The following GRID1 variants were observed in gnomAD, a reference collection of about 807,000 sequenced individuals.
GRID1 encodes glutamate receptor ionotropic, delta-1.
Under a neutral mutation model 98.0 loss-of-function variants are expected in GRID1, and 28 were observed. The ratio of observed to expected loss-of-function variants is 0.29; its 90% CI spans 0.21 to 0.39. The LOEUF is 0.39. GRID1 is among the 10% of genes least tolerant of loss of function. The pLI is 1.00. For missense variants in GRID1, 1,111 were observed against 1,340.5 expected, an observed-to-expected ratio of 0.83 and a Z score of 2.67; for synonymous variants, 553 against 538.5, an observed-to-expected ratio of 1.03 and a Z score of -0.37.
intron 4 of GRID1, among the ~76,000 whole-genome samples, chr10:86,093,873 A>C (rs1844182535): frequency 6.6e-6 from 1 of 152,152 alleles, no homozygotes; most frequent in African/African-American, 2.4e-5. Flanking sequence ...TAATACCAAA[A>C]CCAGGAAAGG....
At chr10:85,710,082 T>C (rs999593916) in intron 12 of GRID1, among the ~76,000 whole-genome samples, 4 of 152,122 alleles carry the variant, frequency 2.6e-5, no homozygotes, top group Non-Finnish European at 5.9e-5. Context: ...CAATGCAATC[T>C]CTAACAAAAT....
At chr10:85,824,202 GT>G (rs1842798217) in intron 8 of GRID1, among the ~76,000 whole-genome samples, 1 of 147,092 alleles carries the variant, frequency 6.8e-6, no homozygotes, top group Non-Finnish European at 1.5e-5. Flanking sequence ...TTGTTTGTTT[GT>G]TTGTTTTTTG....
chr10:86,251,350 TAAAAAAAAAAAAA>T (rs61715346), intron 2 of GRID1, among the ~76,000 whole-genome samples: 120,587 of 142,888 alleles, frequency 0.84, 49,834 homozygotes, highest in Non-Finnish European at 0.88. Context: ...CAATAAATAC[TAAAAAAAAAAAAA>T]AAAAAAAAAA....
chr10:86,208,134 T>A (rs980291475), intron 2 of GRID1, among the ~76,000 whole-genome samples: 4 of 151,966 alleles, frequency 2.6e-5, no homozygotes, highest in African/African-American at 9.7e-5. Flanking sequence ...GGGGAACATG[T>A]GGGAAGGGGA....
intron 4 of GRID1, among the ~76,000 whole-genome samples, chr10:86,081,622 G>T (rs902352994): frequency 1.4e-4 from 21 of 152,204 alleles, no homozygotes; most frequent in Admixed American, 1.4e-3. Flanking sequence ...TAACTAAAAT[G>T]TCCTTCAGTA....
At chr10:86,257,980 C>T (rs1171012381) in intron 2 of GRID1, among the ~76,000 whole-genome samples, 1 of 152,206 alleles carries the variant, frequency 6.6e-6, no homozygotes, top group East Asian at 1.9e-4. Context: ...CAGTCTCTAA[C>T]TGCAGGCTTC....
At chr10:86,098,087 T>G (rs939044700) in intron 4 of GRID1, among the ~76,000 whole-genome samples, 2 of 152,230 alleles carry the variant, frequency 1.3e-5, no homozygotes, top group African/African-American at 4.8e-5. Context: ...TTGCTAACCA[T>G]GGCACCTCTG....
intron 2 of GRID1, among the ~76,000 whole-genome samples, chr10:86,320,272 C>T (rs1847951801): frequency 6.6e-6 from 1 of 152,194 alleles, no homozygotes; most frequent in African/African-American, 2.4e-5. Context: ...AAGAGGGACA[C>T]CCAGGCCACC....
chr10:85,617,238 T>C (rs1469594262), intron 14 of GRID1, among the ~76,000 whole-genome samples: 3 of 129,272 alleles, frequency 2.3e-5, no homozygotes, highest in African/African-American at 8.7e-5. Context: ...CCCCCCCCCT[T>C]TTATTTTTTT....
chr10:85,984,483 G>A (rs1341997685), intron 4 of GRID1, among the ~76,000 whole-genome samples: 1 of 152,134 alleles, frequency 6.6e-6, no homozygotes, highest in African/African-American at 2.4e-5. Context: ...CTTCTCCCAC[G>A]GCTGTGCTGC....
rs143689664 is a variant in GRID1 at position 85,602,481 on chromosome 10, C to G, written c.2822G>C (p.Arg941Pro). Residue 941 changes from arginine to proline, a missense_variant, in exon 16 of 16, where the codon CGG becomes CCG. By Grantham distance (103) the Arg-to-Pro change is moderately radical. Around this residue, in one of 3 missense-constraint regions of GRID1, gnomAD observed 762 missense variants for 869.1 expected, o/e 0.88. Coordinates refer to ENST00000327946, the MANE Select transcript of GRID1 (RefSeq NM_017551.3). Reference protein sequence around the residue: ...LPEQSSHGTSRTLSSGPSSNL... With the variant: ...LPEQSSHGTSPTLSSGPSSNL... Reference sequence around the variant, plus strand: ...GCTGCTGGGCCCTGATGAGAGTGTCCGGCTGGTGCCATGGCTGCTCTGCTC... The same window carrying G: ...GCTGCTGGGCCCTGATGAGAGTGTCGGGCTGGTGCCATGGCTGCTCTGCTC... 1 of 1,614,092 alleles carries G rather than the reference C, an allele frequency of 6.2e-7. No individual in the cohort carries two copies. The highest frequency in any genetic ancestry group is 2.2e-5 in the East Asian group (1 of 44,862).
At chr10:86,336,956 T>A (rs1848230719) in intron 2 of GRID1, among the ~76,000 whole-genome samples, 1 of 151,510 alleles carries the variant, frequency 6.6e-6, no homozygotes, top group Admixed American at 6.6e-5. Flanking sequence ...GCCATTCTCC[T>A]GCCTCAGCCT....
rs1044319742 is a variant in GRID1 at position 85,698,322 on chromosome 10, A to T, written c.1997+24681T>A. The stretch of plus-strand genomic sequence containing the variant: ...AAGTTCAGTCTCCAAAGACTGATTT[A>T]TCCACAGTAGCCCTGCCCAATTCAT... On this transcript the variant is annotated intron_variant, in intron 12 of 15. Coordinates refer to ENST00000327946, the MANE Select transcript of GRID1 (RefSeq NM_017551.3). Among the ~76,000 whole-genome samples the T allele has an allele frequency of 3.9e-5, 6 of 152,220 alleles. No individual in the cohort carries two copies. The South Asian group carries it at 1.2e-3, about 31-fold the overall frequency.
chr10:86,015,878 G>C (rs1031700792), intron 4 of GRID1, among the ~76,000 whole-genome samples: 22 of 152,278 alleles, frequency 1.4e-4, no homozygotes, highest in Admixed American at 1.3e-3. Context: ...GAAAGCAGGA[G>C]CTGGAGTCAT....
chr10:85,702,920 G>A (rs1370639581), intron 12 of GRID1, among the ~76,000 whole-genome samples: 1 of 151,290 alleles, frequency 6.6e-6, no homozygotes, highest in African/African-American at 2.4e-5. Context: ...GAAAGAAAGA[G>A]GAAGAAGGGG....
intron 2 of GRID1, among the ~76,000 whole-genome samples, chr10:86,231,167 G>T (rs532225221): frequency 3.3e-5 from 5 of 152,206 alleles, no homozygotes; most frequent in Non-Finnish European, 7.3e-5. Flanking sequence ...AATGGCAGGA[G>T]ACATGCATGT....
intron 8 of GRID1, among the ~76,000 whole-genome samples, chr10:85,730,949 G>A (rs1841815047): frequency 1.3e-5 from 2 of 152,086 alleles, no homozygotes; most frequent in African/African-American, 4.8e-5. Flanking sequence ...CTGTTGTCAG[G>A]GAAAATCCAT....
chr10:86,137,702 C>T (rs961543314), intron 4 of GRID1, among the ~76,000 whole-genome samples: 28 of 152,090 alleles, frequency 1.8e-4, no homozygotes, highest in African/African-American at 6.5e-4. Flanking sequence ...GTGAAAATGC[C>T]GGGAGCCGAC....
intron 12 of GRID1, among the ~76,000 whole-genome samples, chr10:85,658,935 G>A (rs961038703): frequency 1.3e-5 from 2 of 152,202 alleles, no homozygotes; most frequent in Non-Finnish European, 2.9e-5. Flanking sequence ...AGGATTGCAG[G>A]ACAATTGTCC....
Sources: gnomAD v4.1 joint callset for allele counts (sites outside exome capture counted in the v4.1 genomes callset) on GRCh38, gnomAD v4.1.1 for gene constraint, gnomAD v4.1.1 regional missense constraint, MANE v1.5 for transcripts, NCBI Gene and HGNC (gene_info 2026-07-23, HGNC 2026-07-21) for gene names.